Variants in NCKAP5 observed in about 807,000 individuals in gnomAD.
The protein encoded by NCKAP5 is NCK associated protein 5, also known as nck-associated protein 5.
A neutral mutation model predicts 167.0 loss-of-function variants in NCKAP5; 92 were observed. The observed-to-expected ratio is 0.55, with a 90% CI of 0.47 to 0.66. The LOEUF (loss-of-function observed/expected upper bound fraction) is 0.66, where lower values mean the gene tolerates loss of function less well. NCKAP5 is among the 30% of genes least tolerant of loss of function. The pLI is 0.00. For missense variants in NCKAP5, 2,378 were observed against 2,315.0 expected (o/e 1.03, Z -0.56); for synonymous variants, 891 against 877.4 (o/e 1.02, Z -0.27).
intron 11 of NCKAP5, among the ~76,000 whole-genome samples, chr2:132,856,964 C>T (rs1689521616): frequency 6.6e-6 from 1 of 152,180 alleles, no homozygotes. Flanking sequence ...CCTGTCTATG[C>T]CAAAGTATCC....
At chr2:133,151,537 A>G (rs1162462015) in intron 5 of NCKAP5, among the ~76,000 whole-genome samples, 1 of 152,198 alleles carries the variant, frequency 6.6e-6, no homozygotes, top group Non-Finnish European at 1.5e-5. Context: ...AAATATGAAA[A>G]GAGTCTAGGG....
the NCKAP5 span, among the ~76,000 whole-genome samples, chr2:133,652,222 C>T: frequency 1.3e-5 from 2 of 151,998 alleles, no homozygotes; most frequent in Admixed American, 6.6e-5. Flanking sequence ...AAGACAGAAT[C>T]GGGAATATCA....
At chr2:133,202,896 G>A (rs2085764688) in intron 5 of NCKAP5, among the ~76,000 whole-genome samples, 1 of 152,106 alleles carries the variant, frequency 6.6e-6, no homozygotes, top group East Asian at 1.9e-4. Context: ...AACAACAGGT[G>A]CTGGAGAGGA....
intron 19 of NCKAP5, among the ~76,000 whole-genome samples, chr2:132,710,549 A>G (rs1211957073): frequency 6.6e-6 from 1 of 152,196 alleles, no homozygotes; most frequent in Non-Finnish European, 1.5e-5. Context: ...TTTAAAAAAT[A>G]CTGCTCAGAA....
At chr2:132,828,364 T>A (rs530282812) in intron 11 of NCKAP5, among the ~76,000 whole-genome samples, 19 of 152,076 alleles carry the variant, frequency 1.2e-4, no homozygotes, top group Non-Finnish European at 1.9e-4. Context: ...GGGGGTGGAT[T>A]TTCCCCTTGC....
intron 1 of NCKAP5, among the ~76,000 whole-genome samples, chr2:133,561,273 G>A (rs947645934): frequency 3.3e-5 from 5 of 152,120 alleles, no homozygotes; most frequent in South Asian, 4.1e-4. Flanking sequence ...CATGAACACC[G>A]TCTCCAAAGG....
chr2:132,869,936 A>C (rs900553751), intron 9 of NCKAP5, among the ~76,000 whole-genome samples: 3 of 152,202 alleles, frequency 2.0e-5, no homozygotes, highest in African/African-American at 7.2e-5. Context: ...CGAACAACAA[A>C]ATATAATTCT....
chr2:132,888,857 A>C (rs1019006474), intron 8 of NCKAP5, among the ~76,000 whole-genome samples: 1 of 152,202 alleles, frequency 6.6e-6, no homozygotes, highest in Non-Finnish European at 1.5e-5. Context: ...GTATTGTTGT[A>C]GTAGTAGATT....
chr2:133,002,867 A>T (rs1333884764), intron 6 of NCKAP5, among the ~76,000 whole-genome samples: 2 of 152,200 alleles, frequency 1.3e-5, no homozygotes, highest in African/African-American at 4.8e-5. Context: ...CATTCCCTGC[A>T]TCTTTACATT....
rs554291250 is a variant in NCKAP5, at chr2:132,809,699, T to A, written c.808-12970A>T. 1.4e-3 allele frequency among the ~76,000 whole-genome samples: 211 copies of A among 152,320 alleles called. 1 individual carries two copies. The highest frequency in any genetic ancestry group is 4.8e-3 in the African/African-American group (201 of 41,582). ...CTGAAGGCAGCAGATGGTTGGTTCA[T>A]GAGTTCTTATCCATTCTGTGGTTCT... On this transcript the variant is annotated intron_variant, in intron 11 of 19. Transcript: ENST00000409261.
At chr2:132,988,625 G>T (rs2077364993) in intron 7 of NCKAP5, among the ~76,000 whole-genome samples, 1 of 152,196 alleles carries the variant, frequency 6.6e-6, no homozygotes, top group Non-Finnish European at 1.5e-5. Context: ...CCTTAGGGCA[G>T]ACAGAGGCTC....
rs1360305745 is a variant in NCKAP5 at position 132,784,469 on chromosome 2, G to A, written c.2342C>T (p.Ser781Leu). ...CGAAGACCTGGAATTACTCTGGCAT[G>A]ATATATTGTGTGTTGGTTTGACCAG... ...QKLVKPTHNI[S>L]CQSNSRSSAP... is the part of the protein sequence containing the mutation. The change falls in exon 14 of 20, where the codon TCA becomes TTA. Residue 781 changes from serine (S) to leucine (L), a missense_variant. By Grantham distance (145) the Ser-to-Leu change is moderately radical (BLOSUM62 -2). Around this residue, in one of 3 missense-constraint regions of NCKAP5, gnomAD observed 1,049 missense variants for 1,023.4 expected, o/e 1.02. Transcript: ENST00000409261. The A allele has an allele frequency of 6.3e-7, 1 of 1,595,264 alleles. No individual in the cohort carries two copies. Among genetic ancestry groups the A allele is most frequent in the Admixed American group, 1.7e-5 (1 of 57,572 alleles).
At chr2:133,193,842 G>C (rs1386672544) in intron 5 of NCKAP5, among the ~76,000 whole-genome samples, 3 of 151,912 alleles carry the variant, frequency 2.0e-5, no homozygotes, top group African/African-American at 7.2e-5. Context: ...GAAAATTTCT[G>C]ATTTAATTCC....
chr2:132,812,870 A>G (rs1224452874), intron 11 of NCKAP5, among the ~76,000 whole-genome samples: 1 of 152,124 alleles, frequency 6.6e-6, no homozygotes, highest in Non-Finnish European at 1.5e-5. Flanking sequence ...GTGCCTTCTC[A>G]CTGTATCCTC....
At chr2:132,931,808 C>G (rs142743910) in intron 8 of NCKAP5, among the ~76,000 whole-genome samples, 6 of 152,048 alleles carry the variant, frequency 3.9e-5, no homozygotes, top group African/African-American at 1.2e-4. Context: ...TTGTGAGGAC[C>G]CTGTTAATCA....
chr2:132,915,107 C>T (rs1370711764), intron 8 of NCKAP5, among the ~76,000 whole-genome samples: 1 of 151,890 alleles, frequency 6.6e-6, no homozygotes. Context: ...TAGAAGGGTG[C>T]TCGCTGTTGC....
chr2:133,102,138 T>TA (rs1253802524), intron 6 of NCKAP5, among the ~76,000 whole-genome samples: 2 of 85,564 alleles, frequency 2.3e-5, no homozygotes, highest in Non-Finnish European at 6.3e-5. Context: ...TTTTTCTTTG[T>TA]TTTTTTTGTT....
intron 2 of NCKAP5, among the ~76,000 whole-genome samples, chr2:133,546,516 G>A (rs1050829995): frequency 7.2e-5 from 11 of 152,088 alleles, no homozygotes; most frequent in Admixed American, 3.3e-4. Context: ...GATATCACGC[G>A]ATGTGTGCTT....
chr2:132,807,849 T>A (rs1048616020), intron 11 of NCKAP5, among the ~76,000 whole-genome samples: 7 of 152,126 alleles, frequency 4.6e-5, no homozygotes, highest in African/African-American at 1.4e-4. Context: ...TTAGAGGGAA[T>A]GATTTCAACT....
Sources: gnomAD v4.1 joint callset for allele counts (sites outside exome capture counted in the v4.1 genomes callset) on GRCh38, gnomAD v4.1.1 for gene constraint, gnomAD v4.1.1 regional missense constraint, MANE v1.5 for transcripts, NCBI Gene and HGNC (gene_info 2026-07-23, HGNC 2026-07-21) for gene names.